The following RBM17 variants were observed in gnomAD, a reference collection of about 807,000 sequenced individuals.
RBM17 encodes the protein splicing factor 45.
In RBM17, 7 loss-of-function variants were observed where a neutral mutation model predicts 53.2. That is an observed-to-expected ratio of 0.13 (90% CI 0.07 to 0.25). The LOEUF is 0.25. Ranked by LOEUF, RBM17 falls within the 10% of genes least tolerant of loss-of-function variation. The pLI, the probability that RBM17 is intolerant of heterozygous loss-of-function variation, is 1.00. For synonymous variants in RBM17, 167 were observed against 178.1 expected, an observed-to-expected ratio of 0.94 and a Z score of 0.50; for missense variants, 257 against 496.7, an observed-to-expected ratio of 0.52 and a Z score of 4.59.
At chr10:6,101,485 G>T in intron 3 of RBM17, 98 bp downstream of exon 3, 1 of 561,236 alleles carries the variant, frequency 1.8e-6, no homozygotes, top group South Asian at 4.3e-5. Context: ...TCCTTGGTGG[G>T]CCTTTGAAAC....
At chr10:6,091,886 C>T (rs1314921570) in intron 1 of RBM17, among the ~76,000 whole-genome samples, 20 of 152,002 alleles carry the variant, frequency 1.3e-4, no homozygotes, top group Admixed American at 1.3e-3. Flanking sequence ...GCAATAGTCA[C>T]TAAAGGCTTC....
intron 3 of RBM17, among the ~76,000 whole-genome samples, chr10:6,102,992 A>G (rs1840690273): frequency 6.6e-6 from 1 of 152,146 alleles, no homozygotes; most frequent in Non-Finnish European, 1.5e-5. Context: ...AGGTTTCACC[A>G]TGTTGCCCAG....
chr10:6,116,155 G>A lies in RBM17; in HGVS notation c.*599G>A, dbSNP rs540741085. On this transcript the variant is annotated 3_prime_UTR_variant, in exon 12 of 12. Coordinates refer to ENST00000379888, the MANE Select transcript of RBM17 (RefSeq NM_032905.5). ...TGGCCTATTGGATGAATCATTTGCC[G>A]TAGGCTAAATCAGACTGTAGGGTTT... 2.6e-5 allele frequency: 4 copies of A among 152,454 alleles called. No individual in the cohort carries two copies. Among genetic ancestry groups the A allele is most frequent in the African/African-American group, 4.8e-5 (2 of 41,556 alleles). 9.4% of individuals were successfully genotyped at this position (152,454 alleles called of 1,614,324 possible).
Position 6,116,553 on chromosome 10 carries a change from T to TG in RBM17, c.*998dup, listed in dbSNP as rs1840920968. 6.6e-6 allele frequency: 1 copy of TG among 152,392 alleles called. No homozygotes were observed. Among genetic ancestry groups the TG allele is most frequent in the African/African-American group, 2.4e-5 (1 of 41,466 alleles). The allele number at this position is 152,392 out of a possible 1,614,324, so 9.4% of individuals were successfully genotyped here. Reference sequence around the variant, plus strand: ...AAAAGAAAACAAAAATATTTGGTACTGAGGTTCATTGCCAGGGCAGGAGGT... The same window carrying TG: ...AAAAGAAAACAAAAATATTTGGTACTGGAGGTTCATTGCCAGGGCAGGAGGT... On this transcript the variant is annotated 3_prime_UTR_variant, in exon 12 of 12. Transcript: ENST00000379888.
Position 6,105,109 on chromosome 10 carries a change from T to C in RBM17, c.407+12T>C, listed in dbSNP as rs764951992. 1 of 1,609,564 alleles carries C rather than the reference T, an allele frequency of 6.2e-7. No homozygotes were observed. The highest frequency in any genetic ancestry group is 8.5e-7 in the Non-Finnish European group (1 of 1,176,924). On this transcript the variant is annotated intron_variant, in intron 4 of 11. Coordinates refer to ENST00000379888, the MANE Select transcript of RBM17 (RefSeq NM_032905.5). ...GAAGAAAGGGAAAAGTAAGGCTTCC[T>C]TTGGATTTGGGGATATTTTACAGTT...
intron 1 of RBM17, among the ~76,000 whole-genome samples, chr10:6,091,031 T>TTATATATTTA (rs1554834370): frequency 4.8e-5 from 7 of 145,512 alleles, no homozygotes; most frequent in Non-Finnish European, 1.1e-4. Flanking sequence ...TTATATATAT[T>TTATATATTTA]TATATATTTT....
chr10:6,105,591 C>T (rs955987437), intron 4 of RBM17, among the ~76,000 whole-genome samples: 17 of 152,294 alleles, frequency 1.1e-4, no homozygotes, highest in Admixed American at 5.9e-4. Flanking sequence ...TGTAAAATCA[C>T]AGCTATTTAA....
chr10:6,091,869 T>C (rs1326749836), intron 1 of RBM17, among the ~76,000 whole-genome samples: 1 of 134,064 alleles, frequency 7.5e-6, no homozygotes, highest in Non-Finnish European at 1.6e-5. Context: ...GTTAGTTTTA[T>C]GTGGGGGCAA....
rs372768874 is a variant in RBM17 at position 6,115,604 on chromosome 10, T to C, written c.*48T>C. 1 of 1,197,666 alleles carries C rather than the reference T, an allele frequency of 8.3e-7. No individual in the cohort carries two copies. Among genetic ancestry groups the C allele is most frequent in the Non-Finnish European group, 1.2e-6 (1 of 804,952 alleles). 74.2% of individuals were successfully genotyped at this position (1,197,666 alleles called of 1,614,324 possible). A position where few individuals can be genotyped will look rare whatever the true frequency, so the allele number is the denominator to read the frequency against. ...CATCTCCGGTGATCCTTAAATGAACTGCAGGCTGAGAAAAGAAGGAAAAAG... is the reference window on the plus strand; with the variant it reads ...CATCTCCGGTGATCCTTAAATGAACCGCAGGCTGAGAAAAGAAGGAAAAAG... On this transcript the variant is annotated 3_prime_UTR_variant, in exon 12 of 12. Coordinates refer to ENST00000379888, the MANE Select transcript of RBM17 (RefSeq NM_032905.5).
intron 2 of RBM17, among the ~76,000 whole-genome samples, chr10:6,099,732 CTA>C (rs1410896764): frequency 6.6e-6 from 1 of 152,074 alleles, no homozygotes; most frequent in African/African-American, 2.4e-5. Context: ...AGGGCCAACT[CTA>C]TATTGAATAG....
chr10:6,112,440 A>G lies in RBM17; in HGVS notation c.856+79A>G, dbSNP rs2132954470. On this transcript the variant is annotated intron_variant, in intron 8 of 11. Coordinates refer to ENST00000379888, the MANE Select transcript of RBM17 (RefSeq NM_032905.5). The surrounding 1 kb of genome is among the most constrained non-coding windows in gnomAD (Gnocchi z 4.4). ...TCAGACATGGCCAGTCTTGATCCTC[A>G]TGTGTCAGCAGGGGGACAATGAGGC... The G allele has an allele frequency of 2.6e-6, 4 of 1,540,440 alleles. No individual in the cohort carries two copies. In the East Asian group the frequency reaches 6.9e-5, roughly 27 times the overall value.
intron 3 of RBM17, 133 bp downstream of exon 3, chr10:6,101,520 AT>A: frequency 2.3e-6 from 1 of 443,740 alleles, no homozygotes; most frequent in East Asian, 3.4e-5. Flanking sequence ...TTTCCACCTA[AT>A]TTTTACTTCT....
At chr10:6,105,763 T>G (rs1840739720) in intron 4 of RBM17, among the ~76,000 whole-genome samples, 1 of 152,222 alleles carries the variant, frequency 6.6e-6, no homozygotes. Context: ...TTAACATGTA[T>G]TAAATATTAA....
Position 6,115,619 on chromosome 10 carries a change from G to A in RBM17, c.*63G>A, listed in dbSNP as rs1840902265. On this transcript the variant is annotated 3_prime_UTR_variant, in exon 12 of 12. Coordinates refer to ENST00000379888, the MANE Select transcript of RBM17 (RefSeq NM_032905.5). Reference sequence around the variant, plus strand: ...TTAAATGAACTGCAGGCTGAGAAAAGAAGGAAAAAGGTCACAGCCTCCATG... The same window carrying A: ...TTAAATGAACTGCAGGCTGAGAAAAAAAGGAAAAAGGTCACAGCCTCCATG... 1.9e-6 allele frequency: 2 copies of A among 1,064,278 alleles called. No individual in the cohort carries two copies. Among genetic ancestry groups the A allele is most frequent in the Non-Finnish European group, 2.9e-6 (2 of 687,286 alleles). The allele number at this position is 1,064,278 out of a possible 1,614,324, so 65.9% of individuals were successfully genotyped here.
At chr10:6,091,025 A>ATT (rs1840475411) in intron 1 of RBM17, among the ~76,000 whole-genome samples, 2 of 127,744 alleles carry the variant, frequency 1.6e-5, no homozygotes, top group Non-Finnish European at 3.3e-5. Flanking sequence ...ATATATTTAT[A>ATT]TATATTTATA....
chr10:6,105,973 T>C (rs958903768), intron 4 of RBM17, among the ~76,000 whole-genome samples, 168 bp from the exon 5 acceptor site: 6 of 152,218 alleles, frequency 3.9e-5, no homozygotes, highest in Admixed American at 3.3e-4. Context: ...CATACTTTTA[T>C]CTACTTTAGT....
In RBM17 at chr10:6,097,688, C is replaced by T. The variant is rs150129936; in HGVS notation, c.123+500C>T. Among the ~76,000 whole-genome samples the T allele has an allele frequency of 1.4e-4, 22 of 151,902 alleles. No individual in the cohort carries two copies. In the East Asian group the frequency reaches 4.0e-3, roughly 28 times the overall value. ...TCCGATTCAAAAACAAACAAACAAA[C>T]AAACAAAAAAACAGTACTCTGAACC... On this transcript the variant is annotated intron_variant, in intron 2 of 11. Transcript: ENST00000379888.
At position 6,101,303 on chromosome 10, in the gene RBM17, C is replaced by G. The variant is rs1840666298; in HGVS notation, c.156C>G (p.Ala52=). 3 of 1,612,714 alleles carry G rather than the reference C, an allele frequency of 1.9e-6. No individual in the cohort carries two copies. The highest frequency in any genetic ancestry group is 1.3e-5 in the African/African-American group (1 of 74,854). ...SQRTKQSTVL[A]PVIDLKRGGS... ...GGACGAAACAAAGTACAGTCCTCGC[C>G]CCAGTCATTGACCTGAAGCGAGGTG... Residue 52 remains alanine (A), a synonymous_variant, in exon 3 of 12, where the codon GCC becomes GCG. Transcript: ENST00000379888.
At chr10:6,097,265 C>T in intron 2 of RBM17, 77 bp downstream of exon 2, 1 of 1,462,930 alleles carries the variant, frequency 6.8e-7, no homozygotes, top group Non-Finnish European at 9.5e-7. Context: ...AATTTGGTTT[C>T]AGCTTGCTCT....
Sources: allele counts gnomAD v4.1 joint callset (sites outside exome capture counted in the v4.1 genomes callset), GRCh38; gene constraint gnomAD v4.1.1; non-coding constraint Gnocchi (gnomAD v3.1); transcripts MANE v1.5; gene names NCBI Gene and HGNC (gene_info 2026-07-23, HGNC 2026-07-21).